GALNT7: variants seen among roughly 807,000 people sequenced by gnomAD.
GALNT7 encodes polypeptide N-acetylgalactosaminyltransferase 7, also known as N-acetylgalactosaminyltransferase 7.
Under a neutral mutation model 82.1 loss-of-function variants are expected in GALNT7, and 60 were observed. That is an observed-to-expected ratio of 0.73 (90% CI 0.59 to 0.91). The LOEUF (loss-of-function observed/expected upper bound fraction) is 0.91. GALNT7 is among the 40% of genes least tolerant of loss of function. The probability of loss-of-function intolerance (pLI) is 0.00; values close to 1 mark genes in which losing one functional copy is unlikely to be tolerated. For missense variants in GALNT7, 660 were observed against 804.2 expected (o/e 0.82, Z 2.17); for synonymous variants, 243 against 275.1 (o/e 0.88, Z 1.15).
rs145776656 is a variant in GALNT7, at chr4:173,270,803, T to G, written c.588-21305T>G. Reference sequence around the variant, plus strand: ...AGAGCTCTTGTATCTTTGTTTGTGTTTTCCTTTCCCGCTTAAGCACATTTA... The same window carrying G: ...AGAGCTCTTGTATCTTTGTTTGTGTGTTCCTTTCCCGCTTAAGCACATTTA... On this transcript the variant is annotated intron_variant, in intron 2 of 11. Coordinates refer to ENST00000265000, the MANE Select transcript of GALNT7 (RefSeq NM_017423.3). Among the ~76,000 whole-genome samples the G allele has an allele frequency of 1.4e-4, 21 of 152,364 alleles. No homozygotes were observed. The East Asian group carries it at 1.5e-3, about 11-fold the overall frequency.
At chr4:173,253,560 T>A (rs971639366) in intron 2 of GALNT7, among the ~76,000 whole-genome samples, 1 of 151,954 alleles carries the variant, frequency 6.6e-6, no homozygotes, top group African/African-American at 2.4e-5. Context: ...CCAGTGGAGG[T>A]TATAGAACCA....
At chr4:173,272,744 T>G (rs1735775430) in intron 2 of GALNT7, among the ~76,000 whole-genome samples, 2 of 152,250 alleles carry the variant, frequency 1.3e-5, no homozygotes, top group South Asian at 4.1e-4. Flanking sequence ...TATATGCTAA[T>G]GAACTACTTG....
chr4:173,228,606 T>C (rs1218567255), intron 1 of GALNT7, among the ~76,000 whole-genome samples: 1 of 152,096 alleles, frequency 6.6e-6, no homozygotes, highest in Non-Finnish European at 1.5e-5. Flanking sequence ...CTAGAATATA[T>C]TCACAGGTCT....
chr4:173,171,827 A>G (rs1461808436), intron 1 of GALNT7, among the ~76,000 whole-genome samples: 2 of 152,210 alleles, frequency 1.3e-5, no homozygotes, highest in East Asian at 3.8e-4. Flanking sequence ...GGATCTTGTA[A>G]AAACCACACA....
chr4:173,313,454 C>T (rs866157289), intron 8 of GALNT7, among the ~76,000 whole-genome samples: 3 of 151,684 alleles, frequency 2.0e-5, no homozygotes, highest in Middle Eastern at 3.4e-3. Context: ...ACCTATAGTC[C>T]TAGCTACTCG....
intron 1 of GALNT7, among the ~76,000 whole-genome samples, chr4:173,170,064 G>A (rs1731805768): frequency 6.6e-6 from 1 of 152,114 alleles, no homozygotes; most frequent in Non-Finnish European, 1.5e-5. Flanking sequence ...AGGGACCGCG[G>A]GCACTGCGGC....
At chr4:173,192,804 T>G (rs1296658107) in intron 1 of GALNT7, among the ~76,000 whole-genome samples, 1 of 152,234 alleles carries the variant, frequency 6.6e-6, no homozygotes, top group Non-Finnish European at 1.5e-5. Flanking sequence ...TTCTCAGTTC[T>G]CTGTCCCTAT....
At chr4:173,226,486 A>G (rs954653206) in intron 1 of GALNT7, among the ~76,000 whole-genome samples, 3 of 152,182 alleles carry the variant, frequency 2.0e-5, no homozygotes, top group Non-Finnish European at 4.4e-5. Flanking sequence ...GGTCAATGCA[A>G]GAGAAAGTCT....
intron 1 of GALNT7, among the ~76,000 whole-genome samples, chr4:173,243,775 T>A (rs1734514191): frequency 6.6e-6 from 1 of 152,184 alleles, no homozygotes; most frequent in South Asian, 2.1e-4. Context: ...TACAGTGCCG[T>A]GTAGGGAATA....
chr4:173,314,191 C>T lies in GALNT7; in HGVS notation c.1608+15C>T. On this transcript the variant is annotated intron_variant, in intron 9 of 11. Coordinates refer to ENST00000265000, the MANE Select transcript of GALNT7 (RefSeq NM_017423.3). ...ACTGGGGAGAAGTAAGTAGTCACAT[C>T]TCAAAATGTATGTGTTTGTAGACTG... 1 of 1,476,302 alleles carries T rather than the reference C, an allele frequency of 6.8e-7. No homozygotes were observed. Among genetic ancestry groups the T allele is most frequent in the South Asian group, 1.1e-5 (1 of 88,298 alleles). 91.5% of individuals were successfully genotyped at this position (1,476,302 alleles called of 1,614,324 possible). A position where few individuals can be genotyped will look rare whatever the true frequency, so the allele number is the denominator to read the frequency against.
intron 1 of GALNT7, among the ~76,000 whole-genome samples, chr4:173,242,818 T>C (rs1029150870): frequency 6.6e-6 from 1 of 152,264 alleles, no homozygotes; most frequent in Non-Finnish European, 1.5e-5. Flanking sequence ...TATTTATTTT[T>C]ACCACCTCCC....
chr4:173,189,867 T>C (rs1004646184), intron 1 of GALNT7, among the ~76,000 whole-genome samples: 4 of 152,228 alleles, frequency 2.6e-5, no homozygotes, highest in African/African-American at 9.6e-5. Flanking sequence ...ACATGAAGGC[T>C]GAACAATAGA....
At chr4:173,231,531 G>A (rs1488045988) in intron 1 of GALNT7, among the ~76,000 whole-genome samples, 1 of 152,134 alleles carries the variant, frequency 6.6e-6, no homozygotes, top group African/African-American at 2.4e-5. Flanking sequence ...AATGATGTAT[G>A]ATCTCCTCTC....
intron 1 of GALNT7, among the ~76,000 whole-genome samples, chr4:173,224,460 G>A (rs1213739944): frequency 6.6e-6 from 1 of 152,112 alleles, no homozygotes; most frequent in Non-Finnish European, 1.5e-5. Context: ...CATACCTATT[G>A]TACTTGTATC....
In GALNT7 at chr4:173,240,137, A is replaced by G. The variant is rs151094585; in HGVS notation, c.127-7843A>G. Among the ~76,000 whole-genome samples, 803 of 152,278 alleles carry G rather than the reference A, an allele frequency of 5.3e-3. 10 individuals carry two copies. Among genetic ancestry groups the G allele is most frequent in the African/African-American group, 0.018 (768 of 41,562 alleles). ...CACTTTAAATAAATGTATATCATCT[A>G]AAGAAAGTTATACTTGTCCATTAAG... On this transcript the variant is annotated intron_variant, in intron 1 of 11. Coordinates refer to ENST00000265000, the MANE Select transcript of GALNT7 (RefSeq NM_017423.3).
At chr4:173,318,736 G>T in intron 11 of GALNT7, 177 bp downstream of exon 11, 1 of 491,320 alleles carries the variant, frequency 2.0e-6, no homozygotes, top group Admixed American at 4.0e-5. Flanking sequence ...GTTCTATAAT[G>T]AGGCATCACT....
chr4:173,198,064 T>C (rs1732829075), intron 1 of GALNT7, among the ~76,000 whole-genome samples: 1 of 118,926 alleles, frequency 8.4e-6, no homozygotes, highest in Admixed American at 9.1e-5. Flanking sequence ...TTGGATTGTT[T>C]CTTTTTTTTT....
At chr4:173,279,551 A>G (rs955747282) in intron 2 of GALNT7, among the ~76,000 whole-genome samples, 5 of 152,242 alleles carry the variant, frequency 3.3e-5, no homozygotes, top group African/African-American at 1.2e-4. Flanking sequence ...TGTATTCTAC[A>G]TTAGTAACAT....
intron 2 of GALNT7, among the ~76,000 whole-genome samples, chr4:173,264,980 G>C (rs963751069): frequency 2.6e-5 from 4 of 152,200 alleles, no homozygotes; most frequent in Non-Finnish European, 5.9e-5. Context: ...CCTAGTATTG[G>C]TGCAGAAGCA....
Sources: gnomAD v4.1 joint callset for allele counts (sites outside exome capture counted in the v4.1 genomes callset) on GRCh38, gnomAD v4.1.1 for gene constraint, MANE v1.5 for transcripts, NCBI Gene and HGNC (gene_info 2026-07-23, HGNC 2026-07-21) for gene names.